The following VPS16 variants were observed in gnomAD, a reference collection of about 807,000 sequenced individuals.
VPS16 encodes VPS16 core subunit of CORVET and HOPS complexes, also known as vacuolar protein sorting-associated protein 16 homolog.
Under a neutral mutation model 116.0 loss-of-function variants are expected in VPS16, and 82 were observed. The observed-to-expected ratio is 0.71, with a 90% CI of 0.59 to 0.85. The LOEUF (loss-of-function observed/expected upper bound fraction) is 0.85. Among genes scored for constraint, VPS16 ranks in the 40% least tolerant of loss-of-function variants. VPS16 has a pLI of 0.00. For synonymous variants in VPS16, 406 were observed against 420.7 expected (o/e 0.96, Z 0.43); for missense variants, 928 against 1,090.6 (o/e 0.85, Z 2.10).
chr20:2,845,007 G>GGTGTGTGTGT (rs375923174), intron 1 of VPS16, among the ~76,000 whole-genome samples: 169 of 144,108 alleles, frequency 1.2e-3, no homozygotes, highest in African/African-American at 2.1e-3. Context: ...ATTTGCAAGG[G>GGTGTGTGTGT]GTGTGTGTGT....
rs1388236808 is a variant in VPS16 at position 2,862,863 on chromosome 20, C to T, written c.1260C>T (p.His420=). The change falls in exon 13 of 24, where the codon CAC becomes CAT. Residue 420 remains histidine, a synonymous_variant. Coordinates refer to ENST00000380445, the MANE Select transcript of VPS16 (RefSeq NM_022575.4). ...GATTTCCACCCGACAGCTTCGTGCA[C>T]ATGTGTCAGGACCTGCGTGTGCTCA... is the stretch of plus-strand genomic sequence containing the variant. ...LDRFPPDSFV[H]MCQDLRVLNA... is the part of the protein sequence containing the mutation. 7 of 1,614,014 alleles carry T rather than the reference C, an allele frequency of 4.3e-6. No homozygotes were observed. In the African/African-American group the frequency reaches 5.3e-5, roughly 12 times the overall value.
intron 1 of VPS16, among the ~76,000 whole-genome samples, chr20:2,857,126 C>T (rs2325976): frequency 0.51 from 77,405 of 151,554 alleles, 22,500 homozygotes; most frequent in African/African-American, 0.78. Flanking sequence ...TTCAGGCATG[C>T]GCCACCATGC....
rs1600000459 is a variant in VPS16 at position 2,861,988 on chromosome 20, A to T, written c.995-66A>T. ...TGGGCCAGTGCCACAGAGCAGGAAT[A>T]GGGTGTTGAGGCAGGGCTGAGGGTT... On this transcript the variant is annotated intron_variant, in intron 10 of 23. Coordinates refer to ENST00000380445, the MANE Select transcript of VPS16 (RefSeq NM_022575.4). 5.0e-6 allele frequency: 8 copies of T among 1,606,264 alleles called. No homozygotes were observed. In the South Asian group the frequency reaches 8.9e-5, roughly 18 times the overall value.
intron 11 of VPS16, 113 bp from the exon 12 acceptor site, chr20:2,862,466 C>T: frequency 6.6e-7 from 1 of 1,513,016 alleles, no homozygotes; most frequent in South Asian, 1.3e-5. Flanking sequence ...GGGGCTCCAG[C>T]CTGTGCAGCT....
At position 2,863,804 on chromosome 20, in the gene VPS16, G is replaced by GAGAGAGAAAGAAGAA; in HGVS notation, c.1477-132_1477-118dup. On this transcript the variant is annotated intron_variant, in intron 15 of 23. Coordinates refer to ENST00000380445, the MANE Select transcript of VPS16 (RefSeq NM_022575.4). This position sits in a 1 kb window ranked among gnomAD's most constrained non-coding sequence, Gnocchi z 4.4. ...TGGCGGGGGCGGAGGAGGAGGGAAA[G>GAGAGAGAAAGAAGAA]AGAGAGAAAGAAGAAAGAGAGAAAG... The GAGAGAGAAAGAAGAA allele has an allele frequency of 2.5e-6, 3 of 1,191,258 alleles. No individual in the cohort carries two copies. The highest frequency in any genetic ancestry group is 3.4e-6 in the Non-Finnish European group (3 of 872,738). 73.8% of individuals were successfully genotyped at this position (1,191,258 alleles called of 1,614,324 possible).
In VPS16 at chr20:2,861,136, G is replaced by A. The variant is rs750162214; in HGVS notation, c.753+44G>A. The A allele has an allele frequency of 1.5e-5, 24 of 1,614,198 alleles. No homozygotes were observed. In the Admixed American group the frequency reaches 2.0e-4, roughly 13 times the overall value. On this transcript the variant is annotated intron_variant, in intron 7 of 23. Coordinates refer to ENST00000380445, the MANE Select transcript of VPS16 (RefSeq NM_022575.4). ...ACAGGGGTACTGTGCCTTGTCCAGG[G>A]TACAAGATCTTTTGGTGATGCGGGA... is the stretch of plus-strand genomic sequence containing the variant.
chr20:2,846,567 G>A (rs150970120), intron 1 of VPS16, among the ~76,000 whole-genome samples: 567 of 152,298 alleles, frequency 3.7e-3, no homozygotes, highest in Non-Finnish European at 6.2e-3. Context: ...AGTAGTATAT[G>A]TTTTTGAGAC....
At position 2,861,867 on chromosome 20, in the gene VPS16, G is replaced by A. The variant is rs763354316; in HGVS notation, c.962G>A (p.Arg321His). The A allele has an allele frequency of 1.1e-5, 17 of 1,613,772 alleles. No individual in the cohort carries two copies. Among genetic ancestry groups the A allele is most frequent in the South Asian group, 6.6e-5 (6 of 90,934 alleles). ...PELDGVRIFS[R>H]STHEFLHEVP... ...CTCGATGGGGTCCGCATCTTCTCCCGCAGCACCCACGAGTTCCTGCATGAG... is the reference window on the plus strand; with the variant it reads ...CTCGATGGGGTCCGCATCTTCTCCCACAGCACCCACGAGTTCCTGCATGAG... The change falls in exon 10 of 24, where the codon CGC (arginine) becomes CAC (histidine). Residue 321 changes from arginine (R) to histidine (H), a missense_variant. Transcript: ENST00000380445.
Position 2,864,428 on chromosome 20 carries a change from G to A in VPS16, c.1784G>A (p.Arg595Gln), listed in dbSNP as rs778660167. Residue 595 changes from arginine to glutamine, a missense_variant, in exon 18 of 24, where the codon CGG (arginine) becomes CAG (glutamine). Coordinates refer to ENST00000380445, the MANE Select transcript of VPS16 (RefSeq NM_022575.4). The surrounding 1 kb of genome is among the most constrained non-coding windows in gnomAD (Gnocchi z 5.2). Reference protein sequence around the residue: ...LNRGDFFMTLRNQPMALSLYR... With the variant: ...LNRGDFFMTLQNQPMALSLYR... ...CGAGGAGATTTTTTCATGACCCTTCGGAATCAGCCCATGGCCCTCAGTTTG... is the reference window on the plus strand; with the variant it reads ...CGAGGAGATTTTTTCATGACCCTTCAGAATCAGCCCATGGCCCTCAGTTTG... 6.2e-6 allele frequency: 10 copies of A among 1,614,012 alleles called. No individual in the cohort carries two copies. Among genetic ancestry groups the A allele is most frequent in the Admixed American group, 3.3e-5 (2 of 59,996 alleles).
intron 1 of VPS16, among the ~76,000 whole-genome samples, chr20:2,855,149 C>T (rs997860502): frequency 5.9e-5 from 9 of 151,678 alleles, no homozygotes; most frequent in Non-Finnish European, 8.8e-5. Context: ...TTAGTAGAGG[C>T]GGGGTTTCAC....
In VPS16 at chr20:2,862,580, AAG is replaced by A; in HGVS notation, c.1078_1079del (p.Ser360ProfsTer25). 1 of 1,613,052 alleles carries A rather than the reference AAG, an allele frequency of 6.2e-7. No individual in the cohort carries two copies. Among genetic ancestry groups the A allele is most frequent in the Non-Finnish European group, 8.5e-7 (1 of 1,179,664 alleles). On this transcript the variant is annotated frameshift_variant and splice_region_variant, in exon 12 of 24. Coordinates refer to ENST00000380445, the MANE Select transcript of VPS16 (RefSeq NM_022575.4). LOFTEE classifies it high-confidence loss of function. The stretch of plus-strand genomic sequence containing the variant: ...TGGCTCTGGACTGCTCCCCACCAGA[AAG>A]AGAGCCAGAAGGCGGACGAGTACCT...
chr20:2,866,458 A>G lies in VPS16; in HGVS notation c.2404A>G (p.Ile802Val), dbSNP rs747202642. ...GDVAQAADVA[I>V]EHRNEAELSL... ...TGTGGCTCAGGCTGCAGATGTGGCCATCGAACACCGGAATGAGGCTGAGCT... is the reference window on the plus strand; with the variant it reads ...TGTGGCTCAGGCTGCAGATGTGGCCGTCGAACACCGGAATGAGGCTGAGCT... The change falls in exon 24 of 24, where the codon ATC becomes GTC. Residue 802 changes from isoleucine (I) to valine (V), a missense_variant. Ile to Val is a conservative substitution (Grantham distance 29, BLOSUM62 3). Coordinates refer to ENST00000380445, the MANE Select transcript of VPS16 (RefSeq NM_022575.4). The G allele has an allele frequency of 2.5e-6, 4 of 1,614,158 alleles. No individual in the cohort carries two copies. Among genetic ancestry groups the G allele is most frequent in the Non-Finnish European group, 2.5e-6 (3 of 1,180,026 alleles).
chr20:2,862,943 G>T lies in VPS16; in HGVS notation c.1331+9G>T. ...CCGCTCACCTATAGCCAGTATCCCT[G>T]TGCACGCCAGAAGGGTACCCTACAG... On this transcript the variant is annotated intron_variant, in intron 13 of 23. Coordinates refer to ENST00000380445, the MANE Select transcript of VPS16 (RefSeq NM_022575.4). 2.5e-6 allele frequency: 4 copies of T among 1,613,792 alleles called. No individual in the cohort carries two copies. Among genetic ancestry groups the T allele is most frequent in the Non-Finnish European group, 3.4e-6 (4 of 1,179,820 alleles).
chr20:2,866,384 C>T (rs2089346073), intron 23 of VPS16, 46 bp from the exon 24 acceptor site: 1 of 1,613,832 alleles, frequency 6.2e-7, no homozygotes, highest in African/African-American at 1.3e-5. Context: ...AGGGTTTGTG[C>T]CCTTGAGCAG....
At chr20:2,852,650 T>C (rs2146653794) in intron 1 of VPS16, among the ~76,000 whole-genome samples, 3 of 152,314 alleles carry the variant, frequency 2.0e-5, no homozygotes, top group Middle Eastern at 6.8e-3. Context: ...CATATAAAAG[T>C]TTTATGTTTA....
chr20:2,866,146 T>C, intron 22 of VPS16, 66 bp from the exon 23 acceptor site: 8 of 1,445,684 alleles, frequency 5.5e-6, no homozygotes, highest in Non-Finnish European at 6.8e-6. Flanking sequence ...GCGCCTCTGC[T>C]CGTAAGAGAG....
intron 1 of VPS16, among the ~76,000 whole-genome samples, chr20:2,853,782 C>A (rs1166952454): frequency 2.0e-5 from 3 of 152,076 alleles, no homozygotes; most frequent in African/African-American, 7.2e-5. Flanking sequence ...AAGCGATTCT[C>A]CTGCCTCAGC....
intron 1 of VPS16, among the ~76,000 whole-genome samples, chr20:2,855,633 A>G (rs1037362541): frequency 1.3e-5 from 2 of 152,208 alleles, no homozygotes; most frequent in African/African-American, 2.4e-5. Flanking sequence ...TGTTTAGCCA[A>G]CCACCTTTGT....
chr20:2,865,112 C>T lies in VPS16; in HGVS notation c.2005-36C>T, dbSNP rs767040853. 3 of 1,614,150 alleles carry T rather than the reference C, an allele frequency of 1.9e-6. No individual in the cohort carries two copies. Among genetic ancestry groups the T allele is most frequent in the Admixed American group, 1.7e-5 (1 of 60,024 alleles). ...GTCTCCTGGTCTTCCCTCCTGGTCC[C>T]TCATCCCCATCATGCCTCATTATCC... On this transcript the variant is annotated intron_variant, in intron 20 of 23. Coordinates refer to ENST00000380445, the MANE Select transcript of VPS16 (RefSeq NM_022575.4). This position sits in a 1 kb window ranked among gnomAD's most constrained non-coding sequence, Gnocchi z 5.2.
Sources: gnomAD v4.1 joint callset for allele counts (sites outside exome capture counted in the v4.1 genomes callset) on GRCh38, gnomAD v4.1.1 for gene constraint, Gnocchi (gnomAD v3.1) non-coding constraint, MANE v1.5 for transcripts, NCBI Gene and HGNC (gene_info 2026-07-23, HGNC 2026-07-21) for gene names.